TIMMDC1: variants seen among roughly 807,000 people sequenced by gnomAD.
The protein encoded by TIMMDC1 is complex I assembly factor TIMMDC1, mitochondrial.
Under a neutral mutation model 32.6 loss-of-function variants are expected in TIMMDC1, and 25 were observed. That is an observed-to-expected ratio of 0.77 (90% CI 0.56 to 1.07). The LOEUF (loss-of-function observed/expected upper bound fraction) is 1.07. TIMMDC1 is among the 50% of genes least tolerant of loss of function. The pLI is 0.00. For synonymous variants in TIMMDC1, 130 were observed against 127.6 expected, an observed-to-expected ratio of 1.02 and a Z score of -0.13; for missense variants, 329 against 349.2, an observed-to-expected ratio of 0.94 and a Z score of 0.46.
At chr3:119,509,724 C>T (rs1183436801) in intron 4 of TIMMDC1, among the ~76,000 whole-genome samples, 4 of 146,918 alleles carry the variant, frequency 2.7e-5, no homozygotes, top group East Asian at 2.0e-4. Flanking sequence ...CTTGCTCTGT[C>T]GCTCAGGCTG....
At chr3:119,514,471 A>G (rs564883929) in intron 5 of TIMMDC1, among the ~76,000 whole-genome samples, 25 of 152,370 alleles carry the variant, frequency 1.6e-4, no homozygotes, top group African/African-American at 5.5e-4. Flanking sequence ...CATTGTTTCA[A>G]CACAACTATC....
chr3:119,501,151 A>G (rs1271508512), intron 2 of TIMMDC1, among the ~76,000 whole-genome samples: 1 of 152,242 alleles, frequency 6.6e-6, no homozygotes, highest in Non-Finnish European at 1.5e-5. Flanking sequence ...CTCAGCTGTA[A>G]CATATTTACC....
chr3:119,521,366 C>T (rs2082025816), intron 6 of TIMMDC1, among the ~76,000 whole-genome samples: 1 of 152,092 alleles, frequency 6.6e-6, no homozygotes, highest in Admixed American at 6.6e-5. Flanking sequence ...ACCAGCCTGA[C>T]CGACATGGTG....
chr3:119,502,694 G>T (rs1223824463), intron 2 of TIMMDC1, among the ~76,000 whole-genome samples: 1 of 151,590 alleles, frequency 6.6e-6, no homozygotes, highest in Admixed American at 6.6e-5. Context: ...GAGTAGCTAG[G>T]ACTGCAAACA....
At chr3:119,520,420 C>A (rs571577352) in intron 6 of TIMMDC1, among the ~76,000 whole-genome samples, 4 of 152,026 alleles carry the variant, frequency 2.6e-5, no homozygotes, top group African/African-American at 7.2e-5. Context: ...ACTGATACCA[C>A]GGACATAGTC....
In TIMMDC1 at chr3:119,518,571, A is replaced by T. The variant is rs530477993; in HGVS notation, c.707+1256A>T. 2.0e-5 allele frequency among the ~76,000 whole-genome samples: 3 copies of T among 151,592 alleles called. No individual in the cohort carries two copies. In the South Asian group the frequency reaches 6.3e-4, roughly 32 times the overall value. ...TTCATCTCAAAAAAAAAAAAAAATT[A>T]AAAAAGTAAATGAAACATTAAAAAC... On this transcript the variant is annotated intron_variant, in intron 6 of 6. Coordinates refer to ENST00000494664, the MANE Select transcript of TIMMDC1 (RefSeq NM_016589.4).
In TIMMDC1 at chr3:119,513,719, G is replaced by A; in HGVS notation, c.596G>A (p.Gly199Asp). Reference sequence around the variant, plus strand: ...GGTGGCATAATTGGAGCCTTGCTGGGGTAAGCATTAACATGGTTTGGTTCT... The same window carrying A: ...GGTGGCATAATTGGAGCCTTGCTGGAGTAAGCATTAACATGGTTTGGTTCT... ...VAGGIIGALL[G>D]TPVGGLLMAF... Residue 199 changes from glycine (G) to aspartate (D), a missense_variant and splice_region_variant, in exon 5 of 7, where the codon GGC (glycine) becomes GAC (aspartate). Coordinates refer to ENST00000494664, the MANE Select transcript of TIMMDC1 (RefSeq NM_016589.4). 1.3e-6 allele frequency: 2 copies of A among 1,596,000 alleles called. No individual in the cohort carries two copies. The highest frequency in any genetic ancestry group is 2.3e-5 in the South Asian group (2 of 88,096).
At chr3:119,523,015 A>G (rs2082039154) in intron 6 of TIMMDC1, among the ~76,000 whole-genome samples, 1 of 152,240 alleles carries the variant, frequency 6.6e-6, no homozygotes, top group Admixed American at 6.5e-5. Context: ...ATCTGTGAAG[A>G]GTTGAGAAGA....
At chr3:119,504,714 A>ATGTCTAAAT (rs1298796925) in intron 4 of TIMMDC1, among the ~76,000 whole-genome samples, 1 of 152,230 alleles carries the variant, frequency 6.6e-6, no homozygotes, top group East Asian at 1.9e-4. Context: ...CAGGAGGAAT[A>ATGTCTAAAT]AGTTCAAGAG....
chr3:119,515,076 G>C (rs373019126), intron 5 of TIMMDC1, among the ~76,000 whole-genome samples: 2 of 151,958 alleles, frequency 1.3e-5, no homozygotes, highest in African/African-American at 4.8e-5. Flanking sequence ...TGTAATCACA[G>C]ATACTCGGGA....
chr3:119,519,789 C>T (rs2082012496), intron 6 of TIMMDC1, among the ~76,000 whole-genome samples: 3 of 152,134 alleles, frequency 2.0e-5, no homozygotes, highest in Admixed American at 6.5e-5. Flanking sequence ...CAGAACATCA[C>T]ATCCAACAGC....
chr3:119,521,505 C>T (rs758626352), intron 6 of TIMMDC1, among the ~76,000 whole-genome samples: 2 of 152,058 alleles, frequency 1.3e-5, no homozygotes, highest in Non-Finnish European at 2.9e-5. Context: ...CAAGATGGTG[C>T]CACTGCACTC....
At chr3:119,513,772 T>C in intron 5 of TIMMDC1, 53 bp downstream of exon 5, 1 of 1,160,228 alleles carries the variant, frequency 8.6e-7, no homozygotes, top group African/African-American at 1.6e-5. Flanking sequence ...ATTAATACCT[T>C]GCCTATTAAA....
intron 2 of TIMMDC1, among the ~76,000 whole-genome samples, chr3:119,501,835 A>G (rs976754666): frequency 1.7e-4 from 26 of 152,000 alleles, no homozygotes; most frequent in African/African-American, 5.6e-4. Context: ...GGCCTTGACT[A>G]TGGGTGATTT....
intron 1 of TIMMDC1, chr3:119,500,408 TAAGA>T (rs1355943875): frequency 1.0e-5 from 3 of 299,056 alleles, no homozygotes; most frequent in Non-Finnish European, 1.8e-5. Context: ...TACCCAGCAC[TAAGA>T]AAGAAATGGC....
intron 6 of TIMMDC1, among the ~76,000 whole-genome samples, chr3:119,522,805 T>C (rs991392556): frequency 1.1e-4 from 6 of 52,486 alleles, no homozygotes; most frequent in Non-Finnish European, 2.0e-4. Context: ...TATGGGTGTT[T>C]GTGTGTGTGT....
chr3:119,518,748 C>T lies in TIMMDC1; in HGVS notation c.707+1433C>T, dbSNP rs139717090. Among the ~76,000 whole-genome samples the T allele has an allele frequency of 3.3e-5, 5 of 152,234 alleles. No individual in the cohort carries two copies. In the East Asian group the frequency reaches 9.6e-4, roughly 29 times the overall value. On this transcript the variant is annotated intron_variant, in intron 6 of 6. Transcript: ENST00000494664. Reference sequence around the variant, plus strand: ...AGTGGCTGAGCTGCCACGTGCACCCCCTGAAGACTGGCTCATCCAGGGTCC... The same window carrying T: ...AGTGGCTGAGCTGCCACGTGCACCCTCTGAAGACTGGCTCATCCAGGGTCC...
chr3:119,521,955 G>A (rs548209917), intron 6 of TIMMDC1, among the ~76,000 whole-genome samples: 25 of 152,168 alleles, frequency 1.6e-4, no homozygotes, highest in African/African-American at 5.3e-4. Flanking sequence ...ATATACTTTT[G>A]GTAGGAATGC....
intron 5 of TIMMDC1, among the ~76,000 whole-genome samples, chr3:119,514,445 C>A (rs1463746040): frequency 6.6e-6 from 1 of 152,162 alleles, no homozygotes; most frequent in Non-Finnish European, 1.5e-5. Flanking sequence ...AATCATAATA[C>A]AATTATCACA....
Sources: allele counts gnomAD v4.1 joint callset (sites outside exome capture counted in the v4.1 genomes callset), GRCh38; gene constraint gnomAD v4.1.1; transcripts MANE v1.5; gene names NCBI Gene and HGNC (gene_info 2026-07-23, HGNC 2026-07-21).